BMPR2: variants seen among roughly 807,000 people sequenced by gnomAD.
The protein encoded by BMPR2 is bone morphogenetic protein receptor type-2.
BMPR2 carries 29 observed loss-of-function variants against 100.8 expected under a neutral mutation model. That is an observed-to-expected ratio of 0.29 (90% CI 0.21 to 0.39). The LOEUF (loss-of-function observed/expected upper bound fraction) is 0.39. BMPR2 is among the 10% of genes least tolerant of loss of function. The pLI is 1.00. For missense variants in BMPR2, 1,011 were observed against 1,274.5 expected (o/e 0.79, Z 3.15); for synonymous variants, 382 against 442.3 (o/e 0.86, Z 1.71).
chr2:202,556,305 TGAA>T lies in BMPR2; in HGVS notation c.2642_2644del (p.Glu881del), dbSNP rs759420640. 2 of 1,614,220 alleles carry T rather than the reference TGAA, an allele frequency of 1.2e-6. No individual in the cohort carries two copies. The highest frequency in any genetic ancestry group is 1.7e-6 in the Non-Finnish European group (2 of 1,180,024). On this transcript the variant is annotated inframe_deletion, in exon 12 of 13. Transcript: ENST00000374580. ...GACGAGAGCAACAAGCTGGCCATGA[TGAA>T]GGTGTTCTGGATCGTCTTGTGGACA...
In BMPR2 at chr2:202,442,466, T is replaced by C. The variant is rs988300424; in HGVS notation, c.77-22343T>C. ...AACTATGGCAAATCATATAATAAAA[T>C]TCACTTTCCCAACAATTTTCAAGTA... is the stretch of plus-strand genomic sequence containing the variant. On this transcript the variant is annotated intron_variant, in intron 1 of 12. Transcript: ENST00000374580. Among the ~76,000 whole-genome samples the C allele has an allele frequency of 8.0e-5, 12 of 150,430 alleles. 1 individual carries two copies. Among genetic ancestry groups the C allele is most frequent in the African/African-American group, 3.0e-4 (12 of 39,790 alleles).
chr2:202,381,231 C>T lies in BMPR2; in HGVS notation c.76+3681C>T, dbSNP rs564941250. The stretch of plus-strand genomic sequence containing the variant: ...CTCGTGATCTGCCTGCCTCTGCCTC[C>T]GAAAGTGCTGGGATTATAGGCATGA... On this transcript the variant is annotated intron_variant, in intron 1 of 12. Coordinates refer to ENST00000374580, the MANE Select transcript of BMPR2 (RefSeq NM_001204.7). 5.9e-5 allele frequency among the ~76,000 whole-genome samples: 9 copies of T among 152,112 alleles called. No individual in the cohort carries two copies. The East Asian group carries it at 7.7e-4, about 13-fold the overall frequency.
chr2:202,476,894 A>G (rs916963083), intron 3 of BMPR2, among the ~76,000 whole-genome samples: 1 of 152,256 alleles, frequency 6.6e-6, no homozygotes, highest in East Asian at 1.9e-4. Context: ...ATGTCTCATT[A>G]AAAACAACAC....
chr2:202,551,607 G>C (rs1688479663), intron 10 of BMPR2, among the ~76,000 whole-genome samples: 2 of 152,180 alleles, frequency 1.3e-5, no homozygotes, highest in African/African-American at 4.8e-5. Context: ...TAATAGATAG[G>C]AATACTGCAG....
intron 1 of BMPR2, among the ~76,000 whole-genome samples, chr2:202,454,096 G>C (rs1692040183): frequency 6.6e-6 from 1 of 151,990 alleles, no homozygotes; most frequent in Admixed American, 6.6e-5. Flanking sequence ...TTTTGAGACA[G>C]GGTCTCACTG....
At chr2:202,467,165 A>AG in intron 2 of BMPR2, 2 of 320,742 alleles carry the variant, frequency 6.2e-6, no homozygotes, top group Non-Finnish European at 1.2e-5. Context: ...CGGGAGGCTA[A>AG]GGTAGGAGAA....
At chr2:202,430,601 T>C (rs748736191) in intron 1 of BMPR2, among the ~76,000 whole-genome samples, 12 of 152,186 alleles carry the variant, frequency 7.9e-5, no homozygotes, top group Non-Finnish European at 1.0e-4. Flanking sequence ...CCCATTCTTT[T>C]TGCCTAGCTT....
At chr2:202,438,941 G>A (rs1322035399) in intron 1 of BMPR2, among the ~76,000 whole-genome samples, 2 of 150,416 alleles carry the variant, frequency 1.3e-5, no homozygotes, top group Non-Finnish European at 2.9e-5. Flanking sequence ...AGATTGTTTT[G>A]GCTATTCTGG....
chr2:202,459,726 CAACAAA>C (rs1303638009), intron 1 of BMPR2, among the ~76,000 whole-genome samples: 1 of 152,060 alleles, frequency 6.6e-6, no homozygotes, highest in Non-Finnish European at 1.5e-5. Flanking sequence ...AAAGCAATTG[CAACAAA>C]AGCAAAAGCA....
chr2:202,440,506 C>G (rs1691716109), intron 1 of BMPR2, among the ~76,000 whole-genome samples: 1 of 149,596 alleles, frequency 6.7e-6, no homozygotes, highest in South Asian at 2.1e-4. Context: ...CAGAGGGGCT[C>G]CTCACATCCC....
chr2:202,485,119 G>A (rs374022561), intron 3 of BMPR2, among the ~76,000 whole-genome samples: 1 of 151,748 alleles, frequency 6.6e-6, no homozygotes, highest in Non-Finnish European at 1.5e-5. Context: ...GAGCCACTGC[G>A]CCCAGCCAAT....
Position 202,377,258 on chromosome 2 carries a change from C to T in BMPR2, c.-217C>T, listed in dbSNP as rs989390401. On this transcript the variant is annotated 5_prime_UTR_variant, in exon 1 of 13. Coordinates refer to ENST00000374580, the MANE Select transcript of BMPR2 (RefSeq NM_001204.7). ...GGCACCCCGTCCGAGGCGAAGGAAC[C>T]CCCCCAGCCGCGAGGGAGAGAAATG... 7 of 625,106 alleles carry T rather than the reference C, an allele frequency of 1.1e-5. No individual in the cohort carries two copies. The highest frequency in any genetic ancestry group is 5.4e-5 in the African/African-American group (3 of 55,068). The allele number at this position is 625,106 out of a possible 1,614,324, so 38.7% of individuals were successfully genotyped here. A position where few individuals can be genotyped will look rare whatever the true frequency, so the allele number is the denominator to read the frequency against.
intron 1 of BMPR2, among the ~76,000 whole-genome samples, chr2:202,409,227 C>G (rs1313568361): frequency 6.6e-6 from 1 of 152,112 alleles, no homozygotes; most frequent in East Asian, 1.9e-4. Context: ...CACCTGTAAT[C>G]ACAGCTATTT....
chr2:202,539,476 A>G (rs1444861425), intron 9 of BMPR2, among the ~76,000 whole-genome samples: 3 of 152,124 alleles, frequency 2.0e-5, no homozygotes, highest in East Asian at 1.9e-4. Context: ...GATCATATAA[A>G]TATATTAATA....
intron 3 of BMPR2, among the ~76,000 whole-genome samples, chr2:202,472,710 T>G (rs1692460364): frequency 6.6e-6 from 1 of 152,202 alleles, no homozygotes; most frequent in South Asian, 2.1e-4. Flanking sequence ...TCAAAGATCT[T>G]TACAGCTGCC....
chr2:202,435,982 C>CTCATGGCTTA (rs1425643546), intron 1 of BMPR2, among the ~76,000 whole-genome samples: 1 of 150,758 alleles, frequency 6.6e-6, no homozygotes, highest in Non-Finnish European at 1.5e-5. Flanking sequence ...TTAAGCCACA[C>CTCATGGCTTA]ATGACTGCCT....
intron 1 of BMPR2, among the ~76,000 whole-genome samples, chr2:202,461,750 G>A (rs1692228505): frequency 6.6e-6 from 1 of 152,210 alleles, no homozygotes; most frequent in African/African-American, 2.4e-5. Flanking sequence ...ACTGGATTCA[G>A]TTGTTTAGCT....
intron 10 of BMPR2, among the ~76,000 whole-genome samples, chr2:202,544,761 CTTTT>C (rs56654364): frequency 4.8e-5 from 4 of 82,726 alleles, no homozygotes; most frequent in Middle Eastern, 6.5e-3. Context: ...CTTTTTCTTT[CTTTT>C]TTTTTTTTTT....
intron 10 of BMPR2, among the ~76,000 whole-genome samples, chr2:202,543,677 A>G (rs1371596263): frequency 6.6e-6 from 1 of 152,032 alleles, no homozygotes. Context: ...TACTCTATCT[A>G]TTCTTAAGTT....
Sources: allele counts gnomAD v4.1 joint callset (sites outside exome capture counted in the v4.1 genomes callset), GRCh38; gene constraint gnomAD v4.1.1; transcripts MANE v1.5; gene names NCBI Gene and HGNC (gene_info 2026-07-23, HGNC 2026-07-21).